The following RETREG1 variants were observed in gnomAD, a reference collection of about 807,000 sequenced individuals.
RETREG1 encodes the protein family with sequence similarity 134 member B.
Under a neutral mutation model 54.8 loss-of-function variants are expected in RETREG1, and 44 were observed. That is an observed-to-expected ratio of 0.80 (90% confidence interval 0.63 to 1.03). The LOEUF is 1.03. Among genes scored for constraint, RETREG1 ranks in the 50% least tolerant of loss-of-function variants. The probability of loss-of-function intolerance (pLI) is 0.00; values close to 1 mark genes in which losing one functional copy is unlikely to be tolerated. For synonymous variants in RETREG1, 217 were observed against 238.5 expected (o/e 0.91, Z 0.83); for missense variants, 554 against 605.1 (o/e 0.92, Z 0.89).
chr5:16,490,740 A>C (rs1739210395), intron 3 of RETREG1, among the ~76,000 whole-genome samples: 1 of 152,222 alleles, frequency 6.6e-6, no homozygotes, highest in Admixed American at 6.5e-5. Context: ...TAGAACTGGG[A>C]ATGCTCCTAA....
intron 3 of RETREG1, among the ~76,000 whole-genome samples, chr5:16,525,349 A>ACC (rs1185975151): frequency 1.3e-5 from 2 of 151,840 alleles, no homozygotes; most frequent in Non-Finnish European, 2.9e-5. Context: ...CACTGTGCTG[A>ACC]TCTGCGTCCT....
At chr5:16,520,820 G>A (rs1740511014) in intron 3 of RETREG1, among the ~76,000 whole-genome samples, 1 of 152,162 alleles carries the variant, frequency 6.6e-6, no homozygotes, top group African/African-American at 2.4e-5. Context: ...CCTCACTGGT[G>A]GCTTCACTCC....
chr5:16,489,243 A>G (rs945815356), intron 3 of RETREG1, among the ~76,000 whole-genome samples: 10 of 151,882 alleles, frequency 6.6e-5, no homozygotes, highest in African/African-American at 2.4e-4. Context: ...CACTTATTTT[A>G]CTTTTATGTG....
At chr5:16,577,544 G>A (rs1742360542) in intron 1 of RETREG1, among the ~76,000 whole-genome samples, 1 of 152,106 alleles carries the variant, frequency 6.6e-6, no homozygotes, top group Non-Finnish European at 1.5e-5. Context: ...GAGAGGTGGA[G>A]CTCGTCGGAA....
intron 1 of RETREG1, among the ~76,000 whole-genome samples, chr5:16,588,482 T>C (rs1742675721): frequency 1.3e-5 from 2 of 152,162 alleles, no homozygotes; most frequent in Non-Finnish European, 2.9e-5. Context: ...GGCAGCACGA[T>C]TCAGCCCATA....
At chr5:16,500,386 G>A (rs1404729880) in intron 3 of RETREG1, among the ~76,000 whole-genome samples, 1 of 152,152 alleles carries the variant, frequency 6.6e-6, no homozygotes, top group East Asian at 1.9e-4. Context: ...GGAGAGCAAA[G>A]AGAGAGATGA....
intron 3 of RETREG1, among the ~76,000 whole-genome samples, chr5:16,487,186 T>C (rs940369658): frequency 8.5e-5 from 13 of 152,194 alleles, no homozygotes; most frequent in African/African-American, 3.1e-4. Flanking sequence ...AAACAAACAA[T>C]ACAAGTCTTC....
intron 3 of RETREG1, among the ~76,000 whole-genome samples, chr5:16,521,376 C>T (rs1311973515): frequency 6.6e-6 from 1 of 152,174 alleles, no homozygotes; most frequent in Non-Finnish European, 1.5e-5. Flanking sequence ...CCACAGAACT[C>T]CCCTGTTCCT....
In RETREG1 at chr5:16,473,544, A is replaced by AT. The variant is rs1458980738; in HGVS notation, c.*1196dup. On this transcript the variant is annotated 3_prime_UTR_variant, in exon 9 of 9. Transcript: ENST00000306320. ...CCAGCTGTACCTGAAGATTTAAGAGATTTTTGGTAGTTGCTGGCATGGTCC... is the reference window on the plus strand; with the variant it reads ...CCAGCTGTACCTGAAGATTTAAGAGATTTTTTGGTAGTTGCTGGCATGGTCC... 1 of 152,492 alleles carries AT rather than the reference A, an allele frequency of 6.6e-6. No homozygotes were observed. Among genetic ancestry groups the AT allele is most frequent in the Non-Finnish European group, 1.5e-5 (1 of 68,004 alleles). 9.4% of individuals were successfully genotyped at this position (152,492 alleles called of 1,614,324 possible). A position where few individuals can be genotyped will look rare whatever the true frequency, so the allele number is the denominator to read the frequency against.
chr5:16,568,517 C>T (rs933334443), intron 2 of RETREG1, among the ~76,000 whole-genome samples: 1 of 152,156 alleles, frequency 6.6e-6, no homozygotes, highest in Non-Finnish European at 1.5e-5. Context: ...AAGTGATCCA[C>T]CTGCCTCGGC....
chr5:16,592,249 C>T (rs1193318531), intron 1 of RETREG1, among the ~76,000 whole-genome samples: 1 of 151,940 alleles, frequency 6.6e-6, no homozygotes, highest in Non-Finnish European at 1.5e-5. Context: ...AAGATAAGAA[C>T]AGACACTTTT....
At chr5:16,481,249 G>A (rs1738762449) in intron 4 of RETREG1, among the ~76,000 whole-genome samples, 156 bp from the exon 5 acceptor site, 2 of 151,978 alleles carry the variant, frequency 1.3e-5, no homozygotes, top group Admixed American at 1.3e-4. Context: ...TTGCACTAAG[G>A]GCTGACTAAT....
At chr5:16,548,731 T>G (rs1397212688) in intron 3 of RETREG1, among the ~76,000 whole-genome samples, 2 of 152,246 alleles carry the variant, frequency 1.3e-5, no homozygotes, top group Non-Finnish European at 2.9e-5. Context: ...GAAAATATTT[T>G]AAACAGATAC....
rs151140315 is a variant in RETREG1 at position 16,561,128 on chromosome 5, T to C, written c.458+4635A>G. Among the ~76,000 whole-genome samples the C allele has an allele frequency of 5.8e-3, 889 of 152,162 alleles. 6 individuals carry two copies. The highest frequency in any genetic ancestry group is 0.021 in the African/African-American group (851 of 41,492). On this transcript the variant is annotated intron_variant, in intron 3 of 8. Transcript: ENST00000306320. The surrounding 1 kb of genome is among the most constrained non-coding windows in gnomAD (Gnocchi z 4.2). ...GTTGGCAGGACCACGAGCTGCAGGGTTGGGACCAGAATGAAAGTTAGCTGT... is the reference window on the plus strand; with the variant it reads ...GTTGGCAGGACCACGAGCTGCAGGGCTGGGACCAGAATGAAAGTTAGCTGT...
intron 1 of RETREG1, among the ~76,000 whole-genome samples, chr5:16,590,907 AC>A (rs1474684938): frequency 1.5e-5 from 2 of 129,072 alleles, no homozygotes; most frequent in Non-Finnish European, 3.7e-5. Flanking sequence ...ATGCACAAAC[AC>A]AAAAAAACAC....
chr5:16,536,134 C>T (rs907327000), intron 3 of RETREG1, among the ~76,000 whole-genome samples: 2 of 152,208 alleles, frequency 1.3e-5, no homozygotes, highest in Non-Finnish European at 2.9e-5. Context: ...GTCCTTTTAT[C>T]TCCTTGGGAA....
intron 6 of RETREG1, among the ~76,000 whole-genome samples, chr5:16,478,376 C>T (rs1738629347): frequency 6.6e-6 from 1 of 152,110 alleles, no homozygotes; most frequent in Non-Finnish European, 1.5e-5. Flanking sequence ...ATTCTCAGGC[C>T]CTACCCTAGA....
chr5:16,479,464 A>G (rs1738678151), intron 5 of RETREG1, among the ~76,000 whole-genome samples: 1 of 152,164 alleles, frequency 6.6e-6, no homozygotes, highest in African/African-American at 2.4e-5. Context: ...CATCAATAAT[A>G]TTAGGATAGT....
intron 3 of RETREG1, among the ~76,000 whole-genome samples, chr5:16,511,907 A>G (rs2126568675): frequency 6.6e-6 from 1 of 151,938 alleles, no homozygotes; most frequent in Non-Finnish European, 1.5e-5. Flanking sequence ...ATCCCCCATC[A>G]CCTCCCAGCA....
Sources: allele counts gnomAD v4.1 joint callset (sites outside exome capture counted in the v4.1 genomes callset), GRCh38; gene constraint gnomAD v4.1.1; non-coding constraint Gnocchi (gnomAD v3.1); transcripts MANE v1.5; gene names NCBI Gene and HGNC (gene_info 2026-07-23, HGNC 2026-07-21).